GPATCH2: variants seen among roughly 807,000 people sequenced by gnomAD.
GPATCH2 encodes G-patch domain containing 2, also known as G patch domain-containing protein 2.
In GPATCH2, 51 loss-of-function variants were observed where a neutral mutation model predicts 58.0. That is an observed-to-expected ratio of 0.88 (90% CI 0.70 to 1.11). GPATCH2 has a LOEUF of 1.11. Among genes scored for constraint, GPATCH2 ranks in the 50% most tolerant of loss-of-function variants. The probability of loss-of-function intolerance (pLI) is 0.00; values close to 1 mark genes in which losing one functional copy is unlikely to be tolerated. For missense variants in GPATCH2, 625 were observed against 652.2 expected (o/e 0.96, Z 0.45); for synonymous variants, 222 against 218.5 (o/e 1.02, Z -0.14).
chr1:217,476,863 T>G (rs1660992833), intron 8 of GPATCH2, among the ~76,000 whole-genome samples: 1 of 152,102 alleles, frequency 6.6e-6, no homozygotes, highest in South Asian at 2.1e-4. Flanking sequence ...GATAGTTGAC[T>G]GCGGGGGCAT....
chr1:217,618,296 G>A (rs964187364), intron 2 of GPATCH2, among the ~76,000 whole-genome samples: 4 of 142,030 alleles, frequency 2.8e-5, no homozygotes, highest in Admixed American at 7.5e-5. Flanking sequence ...TGTAATCTCC[G>A]CCTCCCAGGT....
intron 5 of GPATCH2, among the ~76,000 whole-genome samples, chr1:217,535,480 G>C (rs1377516063): frequency 1.3e-5 from 2 of 152,234 alleles, no homozygotes; most frequent in East Asian, 3.9e-4. Context: ...CTCCACAGTA[G>C]GTGGGACTAC....
intron 5 of GPATCH2, among the ~76,000 whole-genome samples, chr1:217,524,830 T>C (rs1487325845): frequency 3.4e-5 from 3 of 89,032 alleles, no homozygotes; most frequent in Non-Finnish European, 4.7e-5. Flanking sequence ...AGCTTCGGCT[T>C]GGCATCAGAG....
chr1:217,620,528 A>G (rs1446531740), intron 1 of GPATCH2, 29 bp from the exon 2 acceptor site: 1 of 1,380,508 alleles, frequency 7.2e-7, no homozygotes, highest in Admixed American at 1.9e-5. Flanking sequence ...GAAAAAAGAA[A>G]ATAGTCAGTC....
chr1:217,598,682 G>A (rs912276183), intron 5 of GPATCH2, among the ~76,000 whole-genome samples: 2 of 151,812 alleles, frequency 1.3e-5, no homozygotes, highest in Non-Finnish European at 2.9e-5. Flanking sequence ...GGCCAGGCTC[G>A]TCTCAAACTC....
intron 1 of GPATCH2, among the ~76,000 whole-genome samples, chr1:217,628,367 T>C (rs3790736): frequency 0.14 from 20,921 of 152,084 alleles, 1,594 homozygotes; most frequent in Non-Finnish European, 0.18. Flanking sequence ...GGCTTCCAGC[T>C]TGACATAAAT....
chr1:217,604,202 T>C (rs146592263), intron 5 of GPATCH2, among the ~76,000 whole-genome samples: 1 of 151,764 alleles, frequency 6.6e-6, no homozygotes, highest in East Asian at 2.0e-4. Flanking sequence ...AATACAAAAA[T>C]TAGCAGTGCA....
At chr1:217,565,064 A>T (rs148072749) in intron 5 of GPATCH2, among the ~76,000 whole-genome samples, 1 of 152,184 alleles carries the variant, frequency 6.6e-6, no homozygotes, top group African/African-American at 2.4e-5. Flanking sequence ...GAATAGGCTG[A>T]TCAACAAATT....
chr1:217,437,872 G>C (rs1409042337), intron 9 of GPATCH2, among the ~76,000 whole-genome samples: 2 of 152,222 alleles, frequency 1.3e-5, no homozygotes, highest in Admixed American at 6.5e-5. Flanking sequence ...CCAGCACAGC[G>C]CTTGAGCTCT....
intron 5 of GPATCH2, among the ~76,000 whole-genome samples, chr1:217,542,128 T>C (rs1664775516): frequency 6.6e-6 from 1 of 152,244 alleles, no homozygotes; most frequent in African/African-American, 2.4e-5. Flanking sequence ...AAGCTTTGTT[T>C]CTTGAGGAAT....
Position 217,631,074 on chromosome 1 carries a change from A to T in GPATCH2, c.-103T>A. On this transcript the variant is annotated 5_prime_UTR_variant, in exon 1 of 10. Transcript: ENST00000366935. ...AAGAGCAGTTCAGCATTTTGAGATG[A>T]GCTTCCGGAAGCCGACAGGCGGCGG... The T allele has an allele frequency of 8.9e-7, 1 of 1,123,504 alleles. No homozygotes were observed. Among genetic ancestry groups the T allele is most frequent in the Non-Finnish European group, 1.3e-6 (1 of 789,996 alleles). 69.6% of individuals were successfully genotyped at this position (1,123,504 alleles called of 1,614,324 possible). A position where few individuals can be genotyped will look rare whatever the true frequency, so the allele number is the denominator to read the frequency against.
intron 5 of GPATCH2, among the ~76,000 whole-genome samples, chr1:217,555,412 A>G (rs1190447781): frequency 6.6e-6 from 1 of 152,146 alleles, no homozygotes; most frequent in Non-Finnish European, 1.5e-5. Flanking sequence ...TTTCTGCCAC[A>G]TTGGCTAAAA....
At chr1:217,608,784 AG>A (rs1429267640) in intron 5 of GPATCH2, 1 of 983,308 alleles carries the variant, frequency 1.0e-6, no homozygotes, top group African/African-American at 1.7e-5. Context: ...CCAAAGACAT[AG>A]CACAGAAAAG....
chr1:217,533,243 T>C (rs1314571973), intron 5 of GPATCH2, among the ~76,000 whole-genome samples: 1 of 152,076 alleles, frequency 6.6e-6, no homozygotes, highest in African/African-American at 2.4e-5. Context: ...TCTCAAACTT[T>C]ATACTCTTAA....
chr1:217,439,590 T>C (rs1026896456), intron 9 of GPATCH2, among the ~76,000 whole-genome samples: 3 of 152,118 alleles, frequency 2.0e-5, no homozygotes, highest in African/African-American at 7.2e-5. Flanking sequence ...GCTGGTTGTT[T>C]GAAAACATTA....
At chr1:217,550,510 T>A (rs558273676) in intron 5 of GPATCH2, among the ~76,000 whole-genome samples, 1 of 152,184 alleles carries the variant, frequency 6.6e-6, no homozygotes. Context: ...GAAATTATGC[T>A]ATCATCATTA....
chr1:217,609,743 T>C lies in GPATCH2; in HGVS notation c.1098+578A>G, dbSNP rs989815257. On this transcript the variant is annotated intron_variant, in intron 5 of 9. Transcript: ENST00000366935. ...ATGTCAATGCATCATGATTTTTATT[T>C]ACAACAGTCAGATATGTAAAAATTA... 6 of 947,516 alleles carry C rather than the reference T, an allele frequency of 6.3e-6. No individual in the cohort carries two copies. In the African/African-American group the frequency reaches 1.1e-4, roughly 17 times the overall value. 58.7% of individuals were successfully genotyped at this position (947,516 alleles called of 1,614,324 possible). A position where few individuals can be genotyped will look rare whatever the true frequency, so the allele number is the denominator to read the frequency against.
chr1:217,564,026 A>C lies in GPATCH2; in HGVS notation c.1098+46295T>G, dbSNP rs556730709. 5.5e-5 allele frequency among the ~76,000 whole-genome samples: 8 copies of C among 145,594 alleles called. No individual in the cohort carries two copies. The East Asian group carries it at 1.7e-3, about 30-fold the overall frequency. ...GGCATTGCACTCCAGCCTGCGCAAC[A>C]ACAGCAAAACTCCGTCTCGAAAAAA... On this transcript the variant is annotated intron_variant, in intron 5 of 9. Coordinates refer to ENST00000366935, the MANE Select transcript of GPATCH2 (RefSeq NM_018040.5).
chr1:217,623,584 G>T (rs1352348171), intron 1 of GPATCH2, among the ~76,000 whole-genome samples: 1 of 151,992 alleles, frequency 6.6e-6, no homozygotes, highest in Non-Finnish European at 1.5e-5. Context: ...TTGACTTTAT[G>T]TTGCTTCTCT....
Sources: allele counts gnomAD v4.1 joint callset (sites outside exome capture counted in the v4.1 genomes callset), GRCh38; gene constraint gnomAD v4.1.1; transcripts MANE v1.5; gene names NCBI Gene and HGNC (gene_info 2026-07-23, HGNC 2026-07-21).